KCNMB4: variants seen among roughly 807,000 people sequenced by gnomAD.
KCNMB4 encodes the protein calcium-activated potassium channel subunit beta-4.
A neutral mutation model predicts 20.7 loss-of-function variants in KCNMB4; 3 were observed. That is an observed-to-expected ratio of 0.14 (90% confidence interval 0.07 to 0.37). The LOEUF is 0.37. KCNMB4 is among the 10% of genes least tolerant of loss of function. The pLI is 1.00. For missense variants in KCNMB4, 168 were observed against 265.9 expected (o/e 0.63, Z 2.56); for synonymous variants, 110 against 113.4 (o/e 0.97, Z 0.19).
At chr12:70,387,788 A>G (rs1023568089) in intron 1 of KCNMB4, among the ~76,000 whole-genome samples, 3 of 152,198 alleles carry the variant, frequency 2.0e-5, no homozygotes, top group Non-Finnish European at 2.9e-5. Context: ...TGGGGAATCT[A>G]TCCCCTCAAG....
intron 1 of KCNMB4, among the ~76,000 whole-genome samples, chr12:70,380,949 A>G (rs1387550493): frequency 2.0e-5 from 3 of 152,278 alleles, no homozygotes; most frequent in Admixed American, 2.0e-4. Context: ...GACACCATCA[A>G]TAAAATGAAA....
chr12:70,384,873 CAAAAAAA>C (rs57306622), intron 1 of KCNMB4, among the ~76,000 whole-genome samples: 55 of 74,314 alleles, frequency 7.4e-4, no homozygotes, highest in Admixed American at 4.5e-3. Flanking sequence ...GACCCTGTCT[CAAAAAAA>C]AAAAAAAAAA....
intron 2 of KCNMB4, among the ~76,000 whole-genome samples, chr12:70,429,807 C>T (rs1248548235): frequency 6.6e-6 from 1 of 152,114 alleles, no homozygotes; most frequent in African/African-American, 2.4e-5. Flanking sequence ...AAAATAGAGC[C>T]TCACATTGAC....
At chr12:70,402,697 A>G (rs2136130808) in intron 2 of KCNMB4, among the ~76,000 whole-genome samples, 1 of 151,792 alleles carries the variant, frequency 6.6e-6, no homozygotes, top group South Asian at 2.1e-4. Context: ...AAAAATGAAA[A>G]TGAAGGAGAA....
At chr12:70,403,496 C>T (rs1249045774) in intron 2 of KCNMB4, among the ~76,000 whole-genome samples, 1 of 152,110 alleles carries the variant, frequency 6.6e-6, no homozygotes, top group African/African-American at 2.4e-5. Flanking sequence ...CCATGCCCAG[C>T]TAATTTTTGT....
At chr12:70,405,430 A>G (rs1868571868) in intron 2 of KCNMB4, among the ~76,000 whole-genome samples, 1 of 152,224 alleles carries the variant, frequency 6.6e-6, no homozygotes, top group Non-Finnish European at 1.5e-5. Flanking sequence ...AATCAAAGCC[A>G]CAATGTAATG....
chr12:70,424,092 A>T (rs1869142910), intron 2 of KCNMB4, among the ~76,000 whole-genome samples: 9 of 152,184 alleles, frequency 5.9e-5, no homozygotes. Context: ...TCCTATGGGA[A>T]GGACAAATGG....
intron 1 of KCNMB4, among the ~76,000 whole-genome samples, chr12:70,388,534 G>A (rs1422312653): frequency 1.3e-5 from 2 of 151,768 alleles, no homozygotes; most frequent in Non-Finnish European, 2.9e-5. Context: ...GTTATTGTCT[G>A]TCTTTTGAAT....
intron 2 of KCNMB4, among the ~76,000 whole-genome samples, chr12:70,408,826 T>A (rs1868687799): frequency 6.6e-6 from 1 of 152,068 alleles, no homozygotes; most frequent in Non-Finnish European, 1.5e-5. Flanking sequence ...CATGTTTTCA[T>A]TTTTTTTCTC....
chr12:70,413,117 G>T (rs1219395084), intron 2 of KCNMB4, among the ~76,000 whole-genome samples: 1 of 152,158 alleles, frequency 6.6e-6, no homozygotes, highest in African/African-American at 2.4e-5. Flanking sequence ...AGCAGTGATT[G>T]CTGTGGCTTC....
At chr12:70,377,714 A>G (rs1227892325) in intron 1 of KCNMB4, among the ~76,000 whole-genome samples, 3 of 152,312 alleles carry the variant, frequency 2.0e-5, no homozygotes, top group East Asian at 1.9e-4. Flanking sequence ...CAGTCCTCTC[A>G]AATCCCTCCA....
rs553496219 is a variant in KCNMB4 at position 70,374,606 on chromosome 12, T to G, written c.336+7536T>G. 1.7e-4 allele frequency among the ~76,000 whole-genome samples: 26 copies of G among 152,332 alleles called. 2 individuals are homozygous for G. Among genetic ancestry groups the G allele is most frequent in the Middle Eastern group, 3.4e-3 (1 of 294 alleles). On this transcript the variant is annotated intron_variant, in intron 1 of 2. Transcript: ENST00000258111. ...TAATACTTGTAAATCATTGTGTTTATTAAGTTATTTAATTCTGTGGCCATT... is the reference window on the plus strand; with the variant it reads ...TAATACTTGTAAATCATTGTGTTTAGTAAGTTATTTAATTCTGTGGCCATT...
intron 1 of KCNMB4, among the ~76,000 whole-genome samples, chr12:70,372,009 G>A (rs1883605394): frequency 6.6e-6 from 1 of 152,192 alleles, no homozygotes; most frequent in South Asian, 2.1e-4. Flanking sequence ...CTCTGATGAA[G>A]TGACATTTAC....
chr12:70,399,345 T>A (rs1396095731), intron 1 of KCNMB4, among the ~76,000 whole-genome samples: 1 of 152,160 alleles, frequency 6.6e-6, no homozygotes, highest in East Asian at 1.9e-4. Flanking sequence ...AATCTAGTTG[T>A]GGTTGTAGAG....
intron 1 of KCNMB4, among the ~76,000 whole-genome samples, chr12:70,371,028 T>G (rs1883583740): frequency 6.6e-6 from 1 of 152,110 alleles, no homozygotes; most frequent in East Asian, 1.9e-4. Flanking sequence ...AGCTAATTTT[T>G]GTATATTTAG....
At chr12:70,402,464 G>A (rs941975070) in intron 2 of KCNMB4, among the ~76,000 whole-genome samples, 1 of 151,916 alleles carries the variant, frequency 6.6e-6, no homozygotes, top group Admixed American at 6.6e-5. Context: ...GCAGCGTAGG[G>A]AGACCCTGTC....
Position 70,366,771 on chromosome 12 carries a change from G to A in KCNMB4, c.37G>A (p.Ala13Thr). 1 of 1,610,154 alleles carries A rather than the reference G, an allele frequency of 6.2e-7. No homozygotes were observed. ...CCGGGTGGCTTACGAGTACACGGAA[G>A]CCGAGGACAAGAGCATCCGGCTCGG... ...KLRVAYEYTEAEDKSIRLGLF... is the reference protein window; with the variant it reads ...KLRVAYEYTETEDKSIRLGLF... Residue 13 changes from alanine to threonine, a missense_variant, in exon 1 of 3, where the codon GCC (alanine) becomes ACC (threonine). Physicochemically the swap from Ala to Thr is moderately conservative, Grantham distance 58. Transcript: ENST00000258111.
At chr12:70,400,682 G>A (rs1402871936) in intron 2 of KCNMB4, among the ~76,000 whole-genome samples, 1 of 152,080 alleles carries the variant, frequency 6.6e-6, no homozygotes, top group African/African-American at 2.4e-5. Flanking sequence ...TTTCTATTCT[G>A]ATGAAGCGTC....
At chr12:70,375,171 A>C (rs1288326941) in intron 1 of KCNMB4, among the ~76,000 whole-genome samples, 1 of 152,098 alleles carries the variant, frequency 6.6e-6, no homozygotes, top group African/African-American at 2.4e-5. Context: ...TCTGGTATTA[A>C]TATTTTTTAT....
Sources: allele counts gnomAD v4.1 joint callset (sites outside exome capture counted in the v4.1 genomes callset), GRCh38; gene constraint gnomAD v4.1.1; transcripts MANE v1.5; gene names NCBI Gene and HGNC (gene_info 2026-07-23, HGNC 2026-07-21).